The following CSMD1 variants were observed in gnomAD, a reference collection of about 807,000 sequenced individuals.
CSMD1 encodes the protein CUB and Sushi multiple domains 1, also known as CUB and sushi domain-containing protein 1.
A neutral mutation model predicts 417.5 loss-of-function variants in CSMD1; 213 were observed. The ratio of observed to expected loss-of-function variants is 0.51; its 90% CI spans 0.46 to 0.57. CSMD1 has a LOEUF of 0.57. Among genes scored for constraint, CSMD1 ranks in the 20% least tolerant of loss-of-function variants. The probability of loss-of-function intolerance (pLI) is 0.00; values close to 1 mark genes in which losing one functional copy is unlikely to be tolerated. For missense variants in CSMD1, 6,923 were observed against 4,529.7 expected, an observed-to-expected ratio of 1.53 and a Z score of -15.17; for synonymous variants, 2,862 against 1,736.8, an observed-to-expected ratio of 1.65 and a Z score of -16.11.
At chr8:3,345,511 T>C (rs1186618520) in intron 22 of CSMD1, among the ~76,000 whole-genome samples, 1 of 152,060 alleles carries the variant, frequency 6.6e-6, no homozygotes, top group Non-Finnish European at 1.5e-5. Flanking sequence ...CAGATAGGAG[T>C]GGAAGTCAGA....
At position 3,407,943 on chromosome 8, in the gene CSMD1, G is replaced by C. The variant is rs988579934; in HGVS notation, c.2027C>G (p.Ser676Cys). 26 of 1,613,508 alleles carry C rather than the reference G, an allele frequency of 1.6e-5. No individual in the cohort carries two copies. Among genetic ancestry groups the C allele is most frequent in the Non-Finnish European group, 2.1e-5 (25 of 1,179,656 alleles). Reference sequence around the variant, plus strand: ...CCCTCTGCCAGTAGTGGAATGGTCAGACTGAAATTCCAAGCGAACTATATG... The same window carrying C: ...CCCTCTGCCAGTAGTGGAATGGTCACACTGAAATTCCAAGCGAACTATATG... ...SGHIVRLEFQ[S>C]DHSTTGRGFN... Residue 676 changes from serine to cysteine, a missense_variant, in exon 14 of 70, where the codon TCT becomes TGT. Coordinates refer to ENST00000635120, the MANE Select transcript of CSMD1 (RefSeq NM_033225.6).
rs528015496 is a variant in CSMD1 at position 4,144,000 on chromosome 8, C to T, written c.416-111901G>A. On this transcript the variant is annotated intron_variant, in intron 3 of 69. Coordinates refer to ENST00000635120, the MANE Select transcript of CSMD1 (RefSeq NM_033225.6). ...GCACTCTCCCTTTCCATCTGAGACA[C>T]GGTGGAAGGAGGAGGGCTATAGAGA... Among the ~76,000 whole-genome samples, 25 of 151,192 alleles carry T rather than the reference C, an allele frequency of 1.7e-4. 4 individuals carry two copies. Among genetic ancestry groups the T allele is most frequent in the African/African-American group, 5.4e-4 (22 of 40,526 alleles).
chr8:3,811,625 C>G (rs1007302624), intron 5 of CSMD1, among the ~76,000 whole-genome samples: 12 of 152,114 alleles, frequency 7.9e-5, no homozygotes, highest in Admixed American at 7.9e-4. Flanking sequence ...AACCCAGGAC[C>G]AGGCTCAAGT....
intron 5 of CSMD1, among the ~76,000 whole-genome samples, chr8:3,811,962 T>G (rs1299658063): frequency 1.3e-5 from 2 of 152,230 alleles, no homozygotes; most frequent in African/African-American, 4.8e-5. Flanking sequence ...TTGTTTTTGT[T>G]TGCTTCAGTG....
At chr8:4,444,185 T>C (rs754462507) in intron 2 of CSMD1, among the ~76,000 whole-genome samples, 2 of 151,144 alleles carry the variant, frequency 1.3e-5, no homozygotes, top group Non-Finnish European at 2.9e-5. Flanking sequence ...CTACTAAAAA[T>C]ATAAAAACTA....
Position 3,568,721 on chromosome 8 carries a change from G to A in CSMD1, c.1344+6224C>T, listed in dbSNP as rs141180268. On this transcript the variant is annotated intron_variant, in intron 10 of 69. Coordinates refer to ENST00000635120, the MANE Select transcript of CSMD1 (RefSeq NM_033225.6). The stretch of plus-strand genomic sequence containing the variant: ...TATATAGGTGTGTGTGTTTATCTAT[G>A]CATATATATATACACATATATATAT... Among the ~76,000 whole-genome samples, 389 of 151,772 alleles carry A rather than the reference G, an allele frequency of 2.6e-3. 3 individuals carry two copies. Among genetic ancestry groups the A allele is most frequent in the African/African-American group, 9.1e-3 (375 of 41,406 alleles).
intron 5 of CSMD1, among the ~76,000 whole-genome samples, chr8:3,811,466 C>T (rs1332924059): frequency 1.3e-5 from 2 of 152,168 alleles, no homozygotes; most frequent in South Asian, 2.1e-4. Context: ...CTAGAATAGA[C>T]ATTTGGTTTT....
intron 57 of CSMD1, among the ~76,000 whole-genome samples, chr8:2,967,624 T>C (rs949564823): frequency 6.6e-6 from 1 of 152,020 alleles, no homozygotes; most frequent in Non-Finnish European, 1.5e-5. Flanking sequence ...AATAGGCAGG[T>C]AAATAAAGGA....
chr8:3,675,570 A>T (rs1175835623), intron 7 of CSMD1, among the ~76,000 whole-genome samples: 1 of 152,008 alleles, frequency 6.6e-6, no homozygotes, highest in Non-Finnish European at 1.5e-5. Context: ...GATTTGGTTT[A>T]CATGCAGACA....
intron 2 of CSMD1, among the ~76,000 whole-genome samples, chr8:4,448,040 G>C (rs576815232): frequency 2.6e-5 from 4 of 152,272 alleles, no homozygotes; most frequent in African/African-American, 7.2e-5. Context: ...TTCCGCATGA[G>C]GTTTCCTGGA....
At chr8:3,276,420 C>T (rs908297562) in intron 26 of CSMD1, among the ~76,000 whole-genome samples, 3 of 152,162 alleles carry the variant, frequency 2.0e-5, no homozygotes, top group Non-Finnish European at 4.4e-5. Flanking sequence ...CTTGGCTTCT[C>T]CGACTGCAAG....
intron 3 of CSMD1, among the ~76,000 whole-genome samples, chr8:4,251,526 C>G (rs1025315781): frequency 1.3e-5 from 2 of 152,084 alleles, no homozygotes; most frequent in Non-Finnish European, 2.9e-5. Flanking sequence ...AAATAAATAG[C>G]CTAAATGATC....
chr8:4,297,817 A>T (rs559714555), intron 3 of CSMD1, among the ~76,000 whole-genome samples: 98 of 152,294 alleles, frequency 6.4e-4, no homozygotes, highest in African/African-American at 2.3e-3. Flanking sequence ...ATATAATTAA[A>T]TTTGATTTCT....
chr8:3,706,661 G>C lies in CSMD1; in HGVS notation c.1009+1753C>G, dbSNP rs369019538. 1.4e-4 allele frequency among the ~76,000 whole-genome samples: 22 copies of C among 152,262 alleles called. No homozygotes were observed. The East Asian group carries it at 4.1e-3, about 28-fold the overall frequency. On this transcript the variant is annotated intron_variant, in intron 7 of 69. Coordinates refer to ENST00000635120, the MANE Select transcript of CSMD1 (RefSeq NM_033225.6). Reference sequence around the variant, plus strand: ...TAGCAGAAAAATCTGATGCCCAAATGATCGGATATCCAACCTGATATTGAT... The same window carrying C: ...TAGCAGAAAAATCTGATGCCCAAATCATCGGATATCCAACCTGATATTGAT...
At chr8:4,007,870 T>C (rs924171083) in intron 4 of CSMD1, among the ~76,000 whole-genome samples, 8 of 152,174 alleles carry the variant, frequency 5.3e-5, no homozygotes, top group South Asian at 2.1e-4. Context: ...TATTTAGTTA[T>C]AGAGATCTGT....
intron 5 of CSMD1, among the ~76,000 whole-genome samples, chr8:3,972,443 G>C (rs1281064748): frequency 6.6e-6 from 1 of 152,142 alleles, no homozygotes; most frequent in African/African-American, 2.4e-5. Flanking sequence ...TTAGGTCTTT[G>C]TAAACAGTGA....
intron 2 of CSMD1, among the ~76,000 whole-genome samples, chr8:4,585,469 A>G (rs1799652673): frequency 6.6e-6 from 1 of 152,226 alleles, no homozygotes; most frequent in South Asian, 2.1e-4. Context: ...ACATTTCCTC[A>G]TAAGGAGAAA....
intron 8 of CSMD1, among the ~76,000 whole-genome samples, chr8:3,587,862 C>G (rs906798311): frequency 6.6e-6 from 1 of 151,958 alleles, no homozygotes; most frequent in African/African-American, 2.4e-5. Context: ...TCTAGGACAA[C>G]TAGAGTTCTA....
At chr8:4,726,443 A>T (rs945799335) in intron 1 of CSMD1, among the ~76,000 whole-genome samples, 1 of 152,158 alleles carries the variant, frequency 6.6e-6, no homozygotes, top group Admixed American at 6.5e-5. Context: ...TTAATACTCC[A>T]GCTCTTTGTG....
Sources: allele counts gnomAD v4.1 joint callset (sites outside exome capture counted in the v4.1 genomes callset), GRCh38; gene constraint gnomAD v4.1.1; transcripts MANE v1.5; gene names NCBI Gene and HGNC (gene_info 2026-07-23, HGNC 2026-07-21).